Variants in PCDHGB3 observed in about 807,000 individuals in gnomAD.
PCDHGB3 encodes the protein protocadherin gamma-B3.
Under a neutral mutation model 59.2 loss-of-function variants are expected in PCDHGB3, and 40 were observed. The ratio of observed to expected loss-of-function variants is 0.68; its 90% CI spans 0.52 to 0.88. PCDHGB3 has a LOEUF of 0.88. Ranked by LOEUF, PCDHGB3 falls within the 40% of genes least tolerant of loss-of-function variation. PCDHGB3 has a pLI of 0.00. For missense variants in PCDHGB3, 1,309 were observed against 1,187.9 expected, an observed-to-expected ratio of 1.10 and a Z score of -1.50; for synonymous variants, 581 against 503.6, an observed-to-expected ratio of 1.15 and a Z score of -2.06.
chr5:141,399,619 G>C (rs749025661), intron 1 of PCDHGB3: 1 of 1,613,902 alleles, frequency 6.2e-7, no homozygotes, highest in Non-Finnish European at 8.5e-7. Context: ...TCTGGCACTG[G>C]CCTCTTACGT....
intron 2 of PCDHGB3, among the ~76,000 whole-genome samples, chr5:141,497,541 T>A (rs1157403777): frequency 1.1e-5 from 1 of 89,566 alleles, no homozygotes; most frequent in Admixed American, 1.2e-4. Context: ...GCAACAAACC[T>A]TTTTTTTTTT....
chr5:141,418,282 A>T (rs1209026046), intron 1 of PCDHGB3: 2 of 1,614,030 alleles, frequency 1.2e-6, no homozygotes, highest in Non-Finnish European at 1.7e-6. Flanking sequence ...TAAACTTAGA[A>T]ATCAGTGAAT....
intron 1 of PCDHGB3, among the ~76,000 whole-genome samples, chr5:141,438,674 A>C (rs894070572): frequency 1.9e-4 from 25 of 134,850 alleles, no homozygotes; most frequent in Non-Finnish European, 3.1e-4. Context: ...ATATATTTGG[A>C]GTAGGGGATG....
At chr5:141,428,551 G>A (rs1192248816) in intron 1 of PCDHGB3, 1 of 254,070 alleles carries the variant, frequency 3.9e-6, no homozygotes, top group Non-Finnish European at 7.8e-6. Flanking sequence ...ACCAGAAACA[G>A]TCCCCCCACA....
chr5:141,418,477 C>G (rs2154547707), intron 1 of PCDHGB3: 1 of 1,614,016 alleles, frequency 6.2e-7, no homozygotes, highest in Non-Finnish European at 8.5e-7. Context: ...AAACGCAGAG[C>G]GCTCACCACT....
At chr5:141,383,416 A>G in intron 1 of PCDHGB3, 1 of 1,613,856 alleles carries the variant, frequency 6.2e-7, no homozygotes, top group Non-Finnish European at 8.5e-7. Flanking sequence ...TTACCAGCTC[A>G]GCCCCAATCG....
chr5:141,427,664 C>T (rs760682962), intron 1 of PCDHGB3: 11 of 775,778 alleles, frequency 1.4e-5, no homozygotes, highest in East Asian at 1.0e-4. Context: ...TCCACGTGGC[C>T]GAAAACAACC....
chr5:141,391,821 T>G (rs2092426299), intron 1 of PCDHGB3: 1 of 152,220 alleles, frequency 6.6e-6, no homozygotes, highest in African/African-American at 2.4e-5. Flanking sequence ...GTAGGTAAAG[T>G]TAATTTTAGA....
chr5:141,421,055 C>A, intron 1 of PCDHGB3: 2 of 577,118 alleles, frequency 3.5e-6, no homozygotes, highest in South Asian at 2.4e-5. Flanking sequence ...GCCTCTACCA[C>A]ACAAAGCGGA....
intron 1 of PCDHGB3, chr5:141,433,291 T>C: frequency 9.1e-7 from 1 of 1,094,048 alleles, no homozygotes; most frequent in Non-Finnish European, 1.3e-6. Context: ...ACTCCTAGGC[T>C]CAAGCAATTA....
intron 1 of PCDHGB3, among the ~76,000 whole-genome samples, chr5:141,468,798 G>A (rs895012127): frequency 7.9e-5 from 12 of 151,646 alleles, no homozygotes; most frequent in East Asian, 2.0e-4. Context: ...CCCGGGAGGC[G>A]GAACTTGCAG....
chr5:141,401,836 A>G (rs1400731084), intron 1 of PCDHGB3, among the ~76,000 whole-genome samples: 3 of 152,204 alleles, frequency 2.0e-5, no homozygotes, highest in Admixed American at 1.3e-4. Flanking sequence ...GATTTCTTAT[A>G]ATACCACTTA....
intron 1 of PCDHGB3, chr5:141,403,278 T>C (rs1254967384): frequency 1.2e-6 from 2 of 1,613,784 alleles, no homozygotes; most frequent in Non-Finnish European, 1.7e-6. Context: ...TTTAAAGTCC[T>C]GGTTGAAGAC....
Position 141,486,915 on chromosome 5 carries a change from C to G in PCDHGB3, c.2416-7892C>G. The G allele has an allele frequency of 6.2e-7, 1 of 1,614,244 alleles. No individual in the cohort carries two copies. The highest frequency in any genetic ancestry group is 8.5e-7 in the Non-Finnish European group (1 of 1,180,046). ...GGTTCCTTATGTCCCCAAGCACTGCCTCCATCAGTTGGTGCTGGCCACCTA... is the reference window on the plus strand; with the variant it reads ...GGTTCCTTATGTCCCCAAGCACTGCGTCCATCAGTTGGTGCTGGCCACCTA... On this transcript the variant is annotated intron_variant, in intron 1 of 3. Transcript: ENST00000576222. This position sits in a 1 kb window ranked among gnomAD's most constrained non-coding sequence, Gnocchi z 5.0.
intron 1 of PCDHGB3, among the ~76,000 whole-genome samples, chr5:141,451,829 C>T (rs564970982): frequency 1.2e-4 from 18 of 151,422 alleles, no homozygotes; most frequent in African/African-American, 4.1e-4. Flanking sequence ...TACAGTGAGC[C>T]GAGATCACAC....
At chr5:141,427,944 A>C (rs780874108) in intron 1 of PCDHGB3, 63 of 1,586,294 alleles carry the variant, frequency 4.0e-5, no homozygotes, top group Non-Finnish European at 8.6e-6. Context: ...GGGCGACCTC[A>C]ATGACAATGT....
chr5:141,385,196 G>T, intron 1 of PCDHGB3: 1 of 1,614,230 alleles, frequency 6.2e-7, no homozygotes, highest in South Asian at 1.1e-5. Flanking sequence ...TCTCGGAAGA[G>T]TCACCTGATC....
chr5:141,441,018 TG>T (rs1482478700), intron 1 of PCDHGB3: 1 of 152,164 alleles, frequency 6.6e-6, no homozygotes, highest in Non-Finnish European at 1.5e-5. Context: ...GATCAAATAG[TG>T]GAGAAATGAA....
At chr5:141,397,818 T>TAA (rs748152113) in intron 1 of PCDHGB3, among the ~76,000 whole-genome samples, 1 of 152,226 alleles carries the variant, frequency 6.6e-6, no homozygotes, top group Non-Finnish European at 1.5e-5. Flanking sequence ...CAAAAACAAT[T>TAA]ACTGCACTGG....
Sources: allele counts gnomAD v4.1 joint callset (sites outside exome capture counted in the v4.1 genomes callset), GRCh38; gene constraint gnomAD v4.1.1; non-coding constraint Gnocchi (gnomAD v3.1); transcripts MANE v1.5; gene names NCBI Gene and HGNC (gene_info 2026-07-23, HGNC 2026-07-21).